SHTN1: variants seen among roughly 807,000 people sequenced by gnomAD.
The protein encoded by SHTN1 is shootin-1.
SHTN1 carries 42 observed loss-of-function variants against 83.1 expected under a neutral mutation model. The observed-to-expected ratio is 0.51, with a 90% CI of 0.39 to 0.65. The LOEUF is 0.65. Ranked by LOEUF, SHTN1 falls within the 30% of genes least tolerant of loss-of-function variation. The pLI, the probability that SHTN1 is intolerant of heterozygous loss-of-function variation, is 0.00. For missense variants in SHTN1, 622 were observed against 737.8 expected (o/e 0.84, Z 1.82); for synonymous variants, 224 against 247.7 (o/e 0.90, Z 0.90).
intron 1 of SHTN1, among the ~76,000 whole-genome samples, chr10:117,074,498 A>G (rs906326616): frequency 1.3e-5 from 2 of 152,218 alleles, no homozygotes; most frequent in African/African-American, 2.4e-5. Flanking sequence ...GAGATAATCC[A>G]TAACTTTCAT....
At chr10:116,934,086 G>A (rs763469107) in intron 9 of SHTN1, among the ~76,000 whole-genome samples, 1 of 152,118 alleles carries the variant, frequency 6.6e-6, no homozygotes, top group Non-Finnish European at 1.5e-5. Flanking sequence ...AGGATAGAGT[G>A]CAAAAATTTT....
At chr10:117,025,879 T>G (rs1277802050) in intron 2 of SHTN1, among the ~76,000 whole-genome samples, 1 of 152,102 alleles carries the variant, frequency 6.6e-6, no homozygotes, top group Non-Finnish European at 1.5e-5. Flanking sequence ...ACCTACTAAC[T>G]GAAGAGCCCT....
chr10:117,062,671 T>G (rs993010261), intron 1 of SHTN1, among the ~76,000 whole-genome samples: 3 of 152,184 alleles, frequency 2.0e-5, no homozygotes, highest in Non-Finnish European at 4.4e-5. Context: ...TATGACATGG[T>G]AGGTATTCAA....
At chr10:116,911,492 T>C (rs1376655866) in intron 14 of SHTN1, 2 of 1,550,490 alleles carry the variant, frequency 1.3e-6, no homozygotes, top group Non-Finnish European at 1.7e-6. Flanking sequence ...CCCTTACATA[T>C]GGCCAGCCAC....
intron 1 of SHTN1, among the ~76,000 whole-genome samples, chr10:117,109,219 T>C (rs1479956769): frequency 6.6e-6 from 1 of 152,178 alleles, no homozygotes; most frequent in East Asian, 1.9e-4. Context: ...GGCTTCAGAC[T>C]TCTGAAGACC....
intron 2 of SHTN1, among the ~76,000 whole-genome samples, chr10:117,024,353 T>C (rs1011260986): frequency 2.5e-4 from 34 of 135,210 alleles, no homozygotes; most frequent in South Asian, 2.2e-3. Context: ...CTTTTCTTTT[T>C]TTTTTTTTTT....
chr10:117,013,907 A>T (rs1416068165), intron 2 of SHTN1, among the ~76,000 whole-genome samples: 1 of 152,164 alleles, frequency 6.6e-6, no homozygotes, highest in Non-Finnish European at 1.5e-5. Flanking sequence ...ATATCTTCCA[A>T]ATATGTGTGT....
chr10:117,067,551 C>T (rs1457087595), intron 1 of SHTN1, among the ~76,000 whole-genome samples: 11 of 151,878 alleles, frequency 7.2e-5, no homozygotes, highest in African/African-American at 1.9e-4. Context: ...GCCAAGATCG[C>T]GCCACTGTAC....
chr10:116,976,728 T>G (rs1207495471), intron 2 of SHTN1, among the ~76,000 whole-genome samples: 1 of 152,140 alleles, frequency 6.6e-6, no homozygotes, highest in East Asian at 1.9e-4. Flanking sequence ...TTCCCTCCTT[T>G]GTAATACAGC....
At chr10:116,924,475 A>G (rs915654282) in intron 11 of SHTN1, among the ~76,000 whole-genome samples, 2 of 152,202 alleles carry the variant, frequency 1.3e-5, no homozygotes, top group East Asian at 3.9e-4. Context: ...GGAAAGTGTT[A>G]GCTTAAAGGA....
chr10:117,087,110 A>G (rs940672545), intron 1 of SHTN1, among the ~76,000 whole-genome samples: 1 of 152,214 alleles, frequency 6.6e-6, no homozygotes, highest in Non-Finnish European at 1.5e-5. Context: ...GTCTGGATAG[A>G]GGAAGAAATA....
rs375149055 is a variant in SHTN1, at chr10:117,047,895, G to A, written c.-123+550C>T. On this transcript the variant is annotated intron_variant, in intron 2 of 17. Coordinates refer to the SHTN1 transcript ENST00000392901. The stretch of plus-strand genomic sequence containing the variant: ...GCCTCCCAAAATGTTGGGATTATAG[G>A]CATGAGCCAAAAAAAAAAAAAAATT... Among the ~76,000 whole-genome samples, 9 of 117,302 alleles carry A rather than the reference G, an allele frequency of 7.7e-5. No individual in the cohort carries two copies. The South Asian group carries it at 2.6e-3, about 34-fold the overall frequency. 77.0% of individuals were successfully genotyped at this position (117,302 alleles called of 152,430 possible). A position where few individuals can be genotyped will look rare whatever the true frequency, so the allele number is the denominator to read the frequency against.
intron 1 of SHTN1, among the ~76,000 whole-genome samples, chr10:117,095,003 TTCTCTCACATCTGTGG>T: frequency 6.6e-6 from 1 of 152,326 alleles, no homozygotes; most frequent in South Asian, 2.1e-4. Flanking sequence ...TTAGCCAGCT[TTCTCTCACATCTGTGG>T]TGTCTACAAG....
intron 16 of SHTN1, among the ~76,000 whole-genome samples, chr10:116,899,119 T>G (rs1006910036): frequency 3.3e-5 from 5 of 152,202 alleles, no homozygotes; most frequent in Non-Finnish European, 7.3e-5. Context: ...TTGTTCCATG[T>G]GTGTAAGACA....
chr10:117,020,348 A>C (rs530519544), intron 2 of SHTN1, among the ~76,000 whole-genome samples: 2 of 151,780 alleles, frequency 1.3e-5, no homozygotes, highest in African/African-American at 4.8e-5. Flanking sequence ...AAAAAAAAAA[A>C]ATTAGCCAGG....
At chr10:116,936,182 G>A (rs901492726) in intron 9 of SHTN1, among the ~76,000 whole-genome samples, 1 of 151,988 alleles carries the variant, frequency 6.6e-6, no homozygotes, top group Non-Finnish European at 1.5e-5. Context: ...GTTCTGCTCT[G>A]ATCTTAGTTA....
chr10:116,896,782 T>C (rs1847535534), intron 16 of SHTN1, among the ~76,000 whole-genome samples: 1 of 151,822 alleles, frequency 6.6e-6, no homozygotes, highest in African/African-American at 2.4e-5. Context: ...GCCCAATTTA[T>C]TTTCTCTGTG....
At chr10:117,104,667 A>G (rs1397530036) in intron 1 of SHTN1, among the ~76,000 whole-genome samples, 1 of 152,048 alleles carries the variant, frequency 6.6e-6, no homozygotes, top group Non-Finnish European at 1.5e-5. Context: ...CCAGCTACTC[A>G]GGAGGCTGAG....
At chr10:116,960,331 G>T (rs1383387117) in intron 3 of SHTN1, 101 bp from the exon 4 acceptor site, 3 of 676,680 alleles carry the variant, frequency 4.4e-6, no homozygotes, top group Non-Finnish European at 7.8e-6. Context: ...CAATTCTTTG[G>T]CTAGCCAGAC....
Sources: allele counts gnomAD v4.1 joint callset (sites outside exome capture counted in the v4.1 genomes callset), GRCh38; gene constraint gnomAD v4.1.1; transcripts MANE v1.5; gene names NCBI Gene and HGNC (gene_info 2026-07-23, HGNC 2026-07-21).